COL6A5: variants seen among roughly 807,000 people sequenced by gnomAD.
The protein encoded by COL6A5 is collagen alpha-5(VI) chain.
In COL6A5, 48 loss-of-function variants were observed where a neutral mutation model predicts 65.6. The observed-to-expected ratio is 0.73, with a 90% CI of 0.58 to 0.93. The LOEUF is 0.93. Ranked by LOEUF, COL6A5 falls within the 40% of genes least tolerant of loss-of-function variation. COL6A5 has a pLI of 0.00. For missense variants in COL6A5, 914 were observed against 928.3 expected, an observed-to-expected ratio of 0.98 and a Z score of 0.20; for synonymous variants, 291 against 322.8, an observed-to-expected ratio of 0.90 and a Z score of 1.05.
chr3:130,352,830 G>T (rs1934773694), intron 1 of COL6A5, among the ~76,000 whole-genome samples: 1 of 152,178 alleles, frequency 6.6e-6, no homozygotes, highest in South Asian at 2.1e-4. Flanking sequence ...CAAACAGCAG[G>T]GTGATGATTT....
intron 23 of COL6A5, 77 bp downstream of exon 23, chr3:130,415,784 T>A (rs541247418): frequency 8.2e-7 from 1 of 1,216,886 alleles, no homozygotes; most frequent in African/African-American, 1.5e-5. Flanking sequence ...TCTTCACATA[T>A]AATTTTTTGT....
intron 1 of COL6A5, among the ~76,000 whole-genome samples, chr3:130,436,657 GTTGATCTTGCC>G (rs563512690): frequency 0.033 from 4,949 of 152,190 alleles, 106 homozygotes; most frequent in South Asian, 0.09. Context: ...ATACAACATT[GTTGATCTTGCC>G]TTTCTCTGGG....
rs1553744426 is a variant in COL6A5 at position 130,362,272 on chromosome 3, T to TCTCTCTCTCTC, written c.-28-11339_-28-11338insCTCTCTCTCTC. ...TTTCTTTCTCTCTCTCTCTCTCTCT[T>TCTCTCTCTCTC]TGTCTCTGTCTTTCTCCATATATAT... On this transcript the variant is annotated intron_variant and NMD_transcript_variant, in intron 1 of 41. Transcript: ENST00000312481. Among the ~76,000 whole-genome samples the TCTCTCTCTCTC allele has an allele frequency of 2.7e-4, 4 of 14,620 alleles. 1 individual carries two copies. Among genetic ancestry groups the TCTCTCTCTCTC allele is most frequent in the East Asian group, 3.6e-3 (1 of 278 alleles). The allele number at this position is 14,620 out of a possible 152,430, so 9.6% of individuals were successfully genotyped here.
chr3:130,467,252 G>A (rs892981978), intron 5 of COL6A5, among the ~76,000 whole-genome samples: 1 of 151,888 alleles, frequency 6.6e-6, no homozygotes, highest in Non-Finnish European at 1.5e-5. Flanking sequence ...AGCTAGGAAG[G>A]CTAATAGGGA....
chr3:130,411,757 G>T (rs930213168), intron 20 of COL6A5, among the ~76,000 whole-genome samples: 1 of 151,868 alleles, frequency 6.6e-6, no homozygotes, highest in African/African-American at 2.4e-5. Flanking sequence ...AAAAAGAGAT[G>T]CCAGGAGTGG....
At position 130,355,295 on chromosome 3, in the gene COL6A5, T is replaced by C. The variant is rs78424115; in HGVS notation, c.-29+9314T>C. On this transcript the variant is annotated intron_variant and NMD_transcript_variant, in intron 1 of 41. Transcript: ENST00000312481. ...ATTACACTTCTTGAAAGAAAAGCTA[T>C]GATATAAAAATCCCTAAAATTTAAA... Among the ~76,000 whole-genome samples, 1,508 of 152,130 alleles carry C rather than the reference T, an allele frequency of 9.9e-3. 16 individuals carry two copies. Among genetic ancestry groups the C allele is most frequent in the South Asian group, 0.08 (387 of 4,822 alleles).
intron 1 of COL6A5, among the ~76,000 whole-genome samples, chr3:130,352,088 A>G (rs1230070179): frequency 6.6e-6 from 1 of 152,182 alleles, no homozygotes; most frequent in East Asian, 1.9e-4. Context: ...GTTCTCACTC[A>G]TAGGTGGGAA....
rs118182476 is a variant in COL6A5 at position 130,391,635 on chromosome 3, A to G, written c.2873A>G (p.Gln958Arg). The change falls in exon 7 of 42, where the codon CAA becomes CGA. Residue 958 changes from glutamine to arginine, a missense_variant and NMD_transcript_variant. Gln to Arg is a conservative substitution (Grantham distance 43). Transcript: ENST00000312481. ...GCAGTGGGTGTAGGAAAGGCCAACC[A>G]AAAGGAACTTGAGGGTATGGCAGGG... 45 of 1,551,662 alleles carry G rather than the reference A, an allele frequency of 2.9e-5. No homozygotes were observed. The East Asian group carries it at 1.1e-3, about 37-fold the overall frequency.
In COL6A5 at chr3:130,406,023, C is replaced by T. The variant is rs570975145; in HGVS notation, c.4380+4C>T. ...CAAAGGATTTTCTGGACCTAAGGTACTGGAGTTTTTTCTTAGTTTAATTTG... is the reference window on the plus strand; with the variant it reads ...CAAAGGATTTTCTGGACCTAAGGTATTGGAGTTTTTTCTTAGTTTAATTTG... On this transcript the variant is annotated splice_donor_region_variant and intron_variant and NMD_transcript_variant, in intron 15 of 41. Coordinates refer to the COL6A5 transcript ENST00000312481. The T allele has an allele frequency of 3.2e-6, 5 of 1,551,366 alleles. 1 individual carries two copies. The South Asian group carries it at 4.8e-5, about 15-fold the overall frequency.
intron 21 of COL6A5, 90 bp downstream of exon 21, chr3:130,413,670 C>A: frequency 7.7e-7 from 1 of 1,299,062 alleles, no homozygotes; most frequent in African/African-American, 1.5e-5. Flanking sequence ...TATCAATGAG[C>A]ATTTTACAAG....
At chr3:130,418,137 T>C (rs1000160525) in intron 24 of COL6A5, among the ~76,000 whole-genome samples, 5 of 152,248 alleles carry the variant, frequency 3.3e-5, no homozygotes. Flanking sequence ...ACAACATATA[T>C]GTATATCAAA....
chr3:130,359,358 A>G (rs1008113681), intron 1 of COL6A5, among the ~76,000 whole-genome samples: 13 of 152,134 alleles, frequency 8.5e-5, no homozygotes, highest in African/African-American at 3.1e-4. Flanking sequence ...GGGCCAATTT[A>G]TCCATTAGGC....
At chr3:130,376,343 C>T (rs754368129) in exon 3 of COL6A5, 1 of 1,613,748 alleles carries the variant, frequency 6.2e-7, no homozygotes, top group South Asian at 1.1e-5. Context: ...AAATGATCAA[C>T]AGTCTCCCCA....
At chr3:130,405,564 A>T in intron 13 of COL6A5, 24 bp from the exon 14 acceptor site, 1 of 1,537,744 alleles carries the variant, frequency 6.5e-7, no homozygotes, top group Non-Finnish European at 8.8e-7. Context: ...CACTTTGGGT[A>T]CCTGTCTGTG....
At chr3:130,471,960 A>T in intron 7 of COL6A5, 34 bp downstream of exon 40, 1 of 1,519,168 alleles carries the variant, frequency 6.6e-7, no homozygotes, top group Non-Finnish European at 8.8e-7. Context: ...GAAGACCCTC[A>T]AGTACCTTTG....
Position 130,426,418 on chromosome 3 carries a change from C to T in COL6A5, c.5236+15C>T, listed in dbSNP as rs151003943. 418 of 1,550,738 alleles carry T rather than the reference C, an allele frequency of 2.7e-4. 1 individual carries two copies. The highest frequency in any genetic ancestry group is 5.7e-4 in the South Asian group (48 of 84,030). The stretch of plus-strand genomic sequence containing the variant: ...GGAACATAGTCGTGAGTATCTGTTA[C>T]GGAACAAGAGCATCCATCAATGGTT... On this transcript the variant is annotated intron_variant and NMD_transcript_variant, in intron 31 of 41. Coordinates refer to the COL6A5 transcript ENST00000312481.
At chr3:130,385,306 C>T (rs995840552) in exon 5 of COL6A5, 1 of 1,550,878 alleles carries the variant, frequency 6.4e-7, no homozygotes, top group Non-Finnish European at 8.7e-7. Flanking sequence ...TTGGGCAGAA[C>T]TTTGATGCTT....
At position 130,397,926 on chromosome 3, in the gene COL6A5, A is replaced by G; in HGVS notation, c.3909+3A>G. 6.5e-7 allele frequency: 1 copy of G among 1,549,944 alleles called. No individual in the cohort carries two copies. Among genetic ancestry groups the G allele is most frequent in the Non-Finnish European group, 8.7e-7 (1 of 1,145,492 alleles). ...ATAAATCTGCATCCCGGGGCCAGGTATCCATATTACATTCTATCTCCCATC... is the reference window on the plus strand; with the variant it reads ...ATAAATCTGCATCCCGGGGCCAGGTGTCCATATTACATTCTATCTCCCATC... On this transcript the variant is annotated splice_donor_region_variant and intron_variant and NMD_transcript_variant, in intron 9 of 41. Coordinates refer to the COL6A5 transcript ENST00000312481.
chr3:130,477,106 C>T lies in COL6A5; in HGVS notation c.2328+6139C>T, dbSNP rs117849835. ...AATTCAGTAATTAATCCAATACTTTCGTCATAGTGATTCATACTCTATGTT... is the reference window on the plus strand; with the variant it reads ...AATTCAGTAATTAATCCAATACTTTTGTCATAGTGATTCATACTCTATGTT... On this transcript the variant is annotated intron_variant, in intron 7 of 7. Coordinates refer to ENST00000512836, the Ensembl canonical transcript of COL6A5. 5.4e-4 allele frequency: 813 copies of T among 1,492,646 alleles called. 9 individuals are homozygous for T. The East Asian group carries it at 0.018, about 33-fold the overall frequency. 92.5% of individuals were successfully genotyped at this position (1,492,646 alleles called of 1,614,324 possible).
Sources: gnomAD v4.1 joint callset for allele counts (sites outside exome capture counted in the v4.1 genomes callset) on GRCh38, gnomAD v4.1.1 for gene constraint, MANE v1.5 for transcripts, NCBI Gene and HGNC (gene_info 2026-07-23, HGNC 2026-07-21) for gene names.